The following CCDC7 variants were observed in gnomAD, a reference collection of about 807,000 sequenced individuals.
CCDC7 encodes coiled-coil domain containing 7.
Under a neutral mutation model 196.9 loss-of-function variants are expected in CCDC7, and 183 were observed. The observed-to-expected ratio is 0.93, with a 90% CI of 0.82 to 1.05. CCDC7 has a LOEUF of 1.05. CCDC7 is among the 50% of genes least tolerant of loss of function. The pLI, the probability that CCDC7 is intolerant of heterozygous loss-of-function variation, is 0.00. For synonymous variants in CCDC7, 525 were observed against 484.6 expected, an observed-to-expected ratio of 1.08 and a Z score of -1.10; for missense variants, 1,540 against 1,482.2, an observed-to-expected ratio of 1.04 and a Z score of -0.64.
chr10:32,473,567 GTTA>G (rs1479798658), intron 7 of CCDC7, among the ~76,000 whole-genome samples: 11 of 152,136 alleles, frequency 7.2e-5, no homozygotes. Flanking sequence ...GGAAAGGGAA[GTTA>G]TTATACCTTA....
At chr10:32,725,912 A>G (rs2083055215) in intron 25 of CCDC7, among the ~76,000 whole-genome samples, 1 of 152,176 alleles carries the variant, frequency 6.6e-6, no homozygotes, top group Non-Finnish European at 1.5e-5. Flanking sequence ...TCCAAACCAT[A>G]TCAAATATGT....
At chr10:32,457,723 TCTAA>T (rs770067842) in intron 3 of CCDC7, among the ~76,000 whole-genome samples, 18 of 152,232 alleles carry the variant, frequency 1.2e-4, no homozygotes, top group Non-Finnish European at 1.9e-4. Context: ...TAATAGCCAT[TCTAA>T]CTGAGGTGAG....
chr10:32,687,707 G>A (rs2076617437), intron 22 of CCDC7, among the ~76,000 whole-genome samples: 3 of 152,204 alleles, frequency 2.0e-5, no homozygotes, highest in African/African-American at 7.2e-5. Flanking sequence ...AGGTGCCACT[G>A]TGGAAATAGG....
chr10:32,814,284 A>T (rs1199489171), intron 30 of CCDC7, 86 bp from the exon 32 acceptor site: 1 of 933,872 alleles, frequency 1.1e-6, no homozygotes, highest in South Asian at 1.4e-5. Context: ...AGTAACACAC[A>T]CACATATATG....
chr10:32,477,275 C>T (rs898004834), intron 8 of CCDC7, among the ~76,000 whole-genome samples: 1 of 151,674 alleles, frequency 6.6e-6, no homozygotes, highest in African/African-American at 2.4e-5. Context: ...GCAATCTCGA[C>T]CCACTGCAAC....
chr10:32,847,715 TA>T (rs746585280), intron 37 of CCDC7, 117 bp from the exon 39 acceptor site: 51,262 of 487,326 alleles, frequency 0.11, 21 homozygotes, highest in South Asian at 0.16. Context: ...ATCCTGTCTC[TA>T]AAAAAAAAAA....
At chr10:32,754,748 C>T (rs75569153) in intron 28 of CCDC7, among the ~76,000 whole-genome samples, 14 of 152,208 alleles carry the variant, frequency 9.2e-5, no homozygotes, top group East Asian at 3.9e-4. Flanking sequence ...ACTAAGTTAA[C>T]GGGTTCCTCT....
intron 23 of CCDC7, among the ~76,000 whole-genome samples, chr10:32,690,556 A>G (rs1292772025): frequency 5.3e-5 from 8 of 152,202 alleles, no homozygotes; most frequent in Non-Finnish European, 7.3e-5. Context: ...AGCAAAATCA[A>G]TTGAGTCATT....
chr10:32,629,265 T>C (rs896513397), intron 18 of CCDC7, among the ~76,000 whole-genome samples: 1 of 152,140 alleles, frequency 6.6e-6, no homozygotes, highest in Non-Finnish European at 1.5e-5. Context: ...CTTTGTCCCT[T>C]TTTACAGTTT....
intron 21 of CCDC7, among the ~76,000 whole-genome samples, chr10:32,682,237 A>G (rs544226167): frequency 2.8e-4 from 43 of 152,108 alleles, no homozygotes; most frequent in Non-Finnish European, 5.6e-4. Flanking sequence ...TGTGTACTCA[A>G]TGTTTAAGTG....
At chr10:32,637,436 C>G (rs1409593506) in intron 20 of CCDC7, among the ~76,000 whole-genome samples, 1 of 152,186 alleles carries the variant, frequency 6.6e-6, no homozygotes, top group African/African-American at 2.4e-5. Context: ...CCAGTTTCAG[C>G]TTTCTCCATA....
At chr10:32,789,739 G>T (rs974704114) in intron 29 of CCDC7, among the ~76,000 whole-genome samples, 1 of 152,116 alleles carries the variant, frequency 6.6e-6, no homozygotes, top group Non-Finnish European at 1.5e-5. Context: ...TCACAGAGGA[G>T]TAGGTTTGTT....
At chr10:32,733,045 C>A (rs1222035092) in intron 28 of CCDC7, among the ~76,000 whole-genome samples, 4 of 152,130 alleles carry the variant, frequency 2.6e-5, no homozygotes, top group African/African-American at 7.2e-5. Context: ...TATACCATCA[C>A]TTATGTTTTC....
At chr10:32,525,116 G>A (rs114619306) in intron 11 of CCDC7, among the ~76,000 whole-genome samples, 1 of 151,660 alleles carries the variant, frequency 6.6e-6, no homozygotes, top group African/African-American at 2.4e-5. Flanking sequence ...GGATGGGGGA[G>A]GGATAGCATT....
At chr10:32,496,027 A>G (rs913995974) in intron 9 of CCDC7, among the ~76,000 whole-genome samples, 2 of 152,174 alleles carry the variant, frequency 1.3e-5, no homozygotes, top group Admixed American at 6.5e-5. Context: ...ATCTATGAGC[A>G]TGGAATGTTT....
intron 24 of CCDC7, among the ~76,000 whole-genome samples, chr10:32,701,574 A>G (rs556642735): frequency 8.6e-4 from 131 of 152,292 alleles, no homozygotes; most frequent in African/African-American, 3.1e-3. Flanking sequence ...ATTGATTGGA[A>G]TAGTTTGAGA....
chr10:32,691,932 T>A (rs1271034563), intron 23 of CCDC7, among the ~76,000 whole-genome samples: 2 of 152,344 alleles, frequency 1.3e-5, no homozygotes, highest in South Asian at 4.1e-4. Flanking sequence ...TTCGTCCCCC[T>A]TTCCTCCACT....
At chr10:32,846,027 T>C (rs1353316360) in intron 36 of CCDC7, 68 bp downstream of exon 37, 19 of 1,162,994 alleles carry the variant, frequency 1.6e-5, no homozygotes, top group Non-Finnish European at 2.1e-5. Flanking sequence ...AATTGAAGTA[T>C]AGACCTTTAA....
chr10:32,458,482 C>CT (rs368681727), intron 3 of CCDC7, among the ~76,000 whole-genome samples: 110,970 of 132,760 alleles, frequency 0.84, 46,006 homozygotes, highest in Admixed American at 0.87. Flanking sequence ...TGTGTGTGTG[C>CT]TTTTTTTTTT....
Sources: gnomAD v4.1 joint callset for allele counts (sites outside exome capture counted in the v4.1 genomes callset) on GRCh38, gnomAD v4.1.1 for gene constraint, MANE v1.5 for transcripts, NCBI Gene and HGNC (gene_info 2026-07-23, HGNC 2026-07-21) for gene names.